Variants in ERO1A observed in about 807,000 individuals in gnomAD.
ERO1A encodes the protein endoplasmic reticulum oxidoreductase 1 alpha.
In ERO1A, 49 loss-of-function variants were observed where a neutral mutation model predicts 76.9. That is an observed-to-expected ratio of 0.64 (90% confidence interval 0.51 to 0.81). ERO1A has a LOEUF of 0.81. ERO1A is among the 30% of genes least tolerant of loss of function. The pLI is 0.00. For missense variants in ERO1A, 448 were observed against 542.1 expected (o/e 0.83, Z 1.72); for synonymous variants, 174 against 181.2 (o/e 0.96, Z 0.32).
At chr14:52,672,797 A>AC (rs2040651932) in intron 4 of ERO1A, among the ~76,000 whole-genome samples, 1 of 151,148 alleles carries the variant, frequency 6.6e-6, no homozygotes, top group African/African-American at 2.4e-5. Context: ...AAAAAAACAA[A>AC]AAACAAACAA....
intron 11 of ERO1A, 102 bp downstream of exon 11, chr14:52,657,815 T>C: frequency 1.4e-6 from 1 of 738,466 alleles, no homozygotes; most frequent in Non-Finnish European, 2.2e-6. Flanking sequence ...CTGCCTAATA[T>C]TCAATCAGGT....
At position 52,646,077 on chromosome 14, in the gene ERO1A, C is replaced by T. The variant is rs901907310; in HGVS notation, c.1346+77G>A. 8 of 1,445,932 alleles carry T rather than the reference C, an allele frequency of 5.5e-6. No individual in the cohort carries two copies. In the African/African-American group the frequency reaches 7.2e-5, roughly 13 times the overall value. 89.6% of individuals were successfully genotyped at this position (1,445,932 alleles called of 1,614,324 possible). On this transcript the variant is annotated intron_variant, in intron 15 of 15. Transcript: ENST00000395686. ...ATAAAATAAAAAGGATATTCCTTACCCAGTTTTTTCTGAGAGCATATATGT... is the reference window on the plus strand; with the variant it reads ...ATAAAATAAAAAGGATATTCCTTACTCAGTTTTTTCTGAGAGCATATATGT...
chr14:52,649,167 A>G (rs2139634461), intron 13 of ERO1A, among the ~76,000 whole-genome samples: 1 of 152,328 alleles, frequency 6.6e-6, no homozygotes, highest in East Asian at 1.9e-4. Flanking sequence ...CAGCCAGTCA[A>G]TAGAATGATC....
At chr14:52,684,395 C>T (rs183840213) in intron 1 of ERO1A, among the ~76,000 whole-genome samples, 12 of 152,094 alleles carry the variant, frequency 7.9e-5, no homozygotes, top group African/African-American at 2.9e-4. Flanking sequence ...AAAAGATACA[C>T]AAAGCTTGAT....
At chr14:52,664,915 T>C (rs890754835) in intron 7 of ERO1A, among the ~76,000 whole-genome samples, 2 of 151,950 alleles carry the variant, frequency 1.3e-5, no homozygotes, top group Non-Finnish European at 2.9e-5. Flanking sequence ...ATGGTCTCGA[T>C]CTCCTGACCT....
chr14:52,650,843 G>C (rs1365853696), intron 13 of ERO1A, among the ~76,000 whole-genome samples: 1 of 152,210 alleles, frequency 6.6e-6, no homozygotes, highest in African/African-American at 2.4e-5. Flanking sequence ...TACATACTCA[G>C]AGATGGTCTT....
intron 6 of ERO1A, among the ~76,000 whole-genome samples, chr14:52,669,408 T>TA (rs111416921): frequency 0.022 from 3,308 of 149,918 alleles, 103 homozygotes; most frequent in African/African-American, 0.074. Flanking sequence ...ATATTTAAGG[T>TA]AAAAAAAAAA....
At chr14:52,644,041 G>A (rs370755514) in intron 15 of ERO1A, among the ~76,000 whole-genome samples, 5 of 152,168 alleles carry the variant, frequency 3.3e-5, no homozygotes, top group African/African-American at 9.7e-5. Flanking sequence ...TTGGAAACCC[G>A]AGGTAGGAGA....
rs1003760146 is a variant in ERO1A, at chr14:52,641,915, A to G, written c.*1655T>C. The stretch of plus-strand genomic sequence containing the variant: ...ATCCAACAAATATTTATTGGATACC[A>G]AGTATGTGCTTGGCACTGTACCAGG... On this transcript the variant is annotated 3_prime_UTR_variant, in exon 16 of 16. Coordinates refer to ENST00000395686, the MANE Select transcript of ERO1A (RefSeq NM_014584.3). 1.3e-5 allele frequency: 2 copies of G among 152,216 alleles called. No individual in the cohort carries two copies. The highest frequency in any genetic ancestry group is 2.4e-5 in the African/African-American group (1 of 41,456). The allele number at this position is 152,216 out of a possible 1,614,324, so 9.4% of individuals were successfully genotyped here. A position where few individuals can be genotyped will look rare whatever the true frequency, so the allele number is the denominator to read the frequency against.
intron 4 of ERO1A, among the ~76,000 whole-genome samples, chr14:52,673,088 A>G (rs1376968416): frequency 1.3e-5 from 2 of 151,836 alleles, no homozygotes; most frequent in Non-Finnish European, 2.9e-5. Context: ...GCTTTGTTAT[A>G]ATGATTTTTT....
intron 8 of ERO1A, among the ~76,000 whole-genome samples, chr14:52,663,323 G>C (rs2040288664): frequency 6.6e-6 from 1 of 152,070 alleles, no homozygotes; most frequent in African/African-American, 2.4e-5. Flanking sequence ...TTACTGGCCA[G>C]GGGCAGTGGC....
intron 1 of ERO1A, among the ~76,000 whole-genome samples, chr14:52,688,966 T>A (rs1477910988): frequency 6.6e-6 from 1 of 152,230 alleles, no homozygotes; most frequent in Admixed American, 6.5e-5. Flanking sequence ...TCATATACTT[T>A]TTTTTTGAGA....
intron 4 of ERO1A, chr14:52,672,213 GGAGAA>G (rs1479243453): frequency 2.9e-5 from 5 of 172,724 alleles, no homozygotes; most frequent in African/African-American, 9.6e-5. Context: ...GGCTGAGGCA[GGAGAA>G]TGGAGTGAAC....
rs535748838 is a variant in ERO1A at position 52,643,434 on chromosome 14, A to G, written c.*136T>C. On this transcript the variant is annotated 3_prime_UTR_variant, in exon 16 of 16. Coordinates refer to ENST00000395686, the MANE Select transcript of ERO1A (RefSeq NM_014584.3). ...TTTTAAAAATGTGTTTACTTAAAAC[A>G]ATATAATTCTCCTTTACAAAAGCAA... 6 of 539,104 alleles carry G rather than the reference A, an allele frequency of 1.1e-5. No individual in the cohort carries two copies. The highest frequency in any genetic ancestry group is 3.4e-5 in the South Asian group (1 of 29,850). 33.4% of individuals were successfully genotyped at this position (539,104 alleles called of 1,614,324 possible). A position where few individuals can be genotyped will look rare whatever the true frequency, so the allele number is the denominator to read the frequency against.
chr14:52,678,491 T>C lies in ERO1A; in HGVS notation c.319-19A>G, dbSNP rs770556004. The C allele has an allele frequency of 1.1e-5, 17 of 1,598,110 alleles. No homozygotes were observed. Among genetic ancestry groups the C allele is most frequent in the Admixed American group, 3.4e-5 (2 of 59,316 alleles). On this transcript the variant is annotated intron_variant, in intron 3 of 15. Transcript: ENST00000395686. The stretch of plus-strand genomic sequence containing the variant: ...CTTCATCCTGAAAAAGAAAAAAATA[T>C]GTTTTTAGTTGGCATTTATTCTATC...
At chr14:52,688,984 T>G (rs1372148016) in intron 1 of ERO1A, among the ~76,000 whole-genome samples, 1 of 152,206 alleles carries the variant, frequency 6.6e-6, no homozygotes, top group Non-Finnish European at 1.5e-5. Flanking sequence ...AGACGGAGTT[T>G]TATTCTTATT....
chr14:52,654,013 G>A (rs934565001), intron 11 of ERO1A, among the ~76,000 whole-genome samples: 2 of 152,036 alleles, frequency 1.3e-5, no homozygotes, highest in Non-Finnish European at 2.9e-5. Context: ...CAGAAGAATA[G>A]AGCAATATTG....
chr14:52,687,817 A>G (rs753682136), intron 1 of ERO1A, among the ~76,000 whole-genome samples: 1 of 152,224 alleles, frequency 6.6e-6, no homozygotes, highest in Non-Finnish European at 1.5e-5. Context: ...AAGCAGAGAT[A>G]AGAAGGCCCC....
intron 12 of ERO1A, among the ~76,000 whole-genome samples, chr14:52,652,698 T>C (rs1288036145): frequency 1.3e-5 from 2 of 152,152 alleles, no homozygotes; most frequent in Non-Finnish European, 2.9e-5. Context: ...TCTAAATGAA[T>C]ATTAAAAATT....
Sources: gnomAD v4.1 joint callset for allele counts (sites outside exome capture counted in the v4.1 genomes callset) on GRCh38, gnomAD v4.1.1 for gene constraint, MANE v1.5 for transcripts, NCBI Gene and HGNC (gene_info 2026-07-23, HGNC 2026-07-21) for gene names.